The following USP15 variants were observed in gnomAD, a reference collection of about 807,000 sequenced individuals.
USP15 encodes ubiquitin specific peptidase 15.
A neutral mutation model predicts 127.1 loss-of-function variants in USP15; 18 were observed. That is an observed-to-expected ratio of 0.14 (90% CI 0.10 to 0.21). The LOEUF (loss-of-function observed/expected upper bound fraction) is 0.21, where lower values mean the gene tolerates loss of function less well. Ranked by LOEUF, USP15 falls within the 10% of genes least tolerant of loss-of-function variation. The pLI, the probability that USP15 is intolerant of heterozygous loss-of-function variation, is 1.00. For synonymous variants in USP15, 364 were observed against 393.7 expected (o/e 0.92, Z 0.89); for missense variants, 805 against 1,159.9 (o/e 0.69, Z 4.44).
In USP15 at chr12:62,390,956, G is replaced by C; in HGVS notation, c.1937G>C (p.Gly646Ala). The C allele has an allele frequency of 6.2e-7, 1 of 1,612,384 alleles. No individual in the cohort carries two copies. Among genetic ancestry groups the C allele is most frequent in the Admixed American group, 1.7e-5 (1 of 59,884 alleles). ...AATATTAATGGGAATGGCCCAAATG[G>C]CATACATGAAGAAGGCTCACCAAGT... ...DQNINGNGPN[G>A]IHEEGSPSEM... Residue 646 changes from glycine (G) to alanine (A), a missense_variant, in exon 15 of 22, where the codon GGC (glycine) becomes GCC (alanine). By Grantham distance (60) the Gly-to-Ala change is moderately conservative. Coordinates refer to ENST00000280377, the MANE Select transcript of USP15 (RefSeq NM_001252078.2).
intron 8 of USP15, 116 bp downstream of exon 8, chr12:62,355,591 A>T (rs746454304): frequency 5.2e-5 from 62 of 1,182,240 alleles, no homozygotes; most frequent in Non-Finnish European, 7.0e-5. Flanking sequence ...TTCATTTTTC[A>T]TGGAAGATTT....
intron 6 of USP15, among the ~76,000 whole-genome samples, chr12:62,331,940 G>A (rs1029567562): frequency 3.9e-5 from 6 of 151,980 alleles, no homozygotes; most frequent in Admixed American, 2.6e-4. Context: ...CAAGGTGAAC[G>A]GATCACTTGA....
chr12:62,294,235 G>A lies in USP15; in HGVS notation c.146G>A (p.Ser49Asn), dbSNP rs1384679560. 6.2e-7 allele frequency: 1 copy of A among 1,613,550 alleles called. No individual in the cohort carries two copies. Among genetic ancestry groups the A allele is most frequent in the African/African-American group, 1.3e-5 (1 of 74,906 alleles). Reference sequence around the variant, plus strand: ...TGGAAAAAATATGTTGGCTTTGACAGTTGGGACAAATACCAGATGGGAGAT... The same window carrying A: ...TGGAAAAAATATGTTGGCTTTGACAATTGGGACAAATACCAGATGGGAGAT... The part of the protein sequence containing the change: ...KQWKKYVGFD[S>N]WDKYQMGDQN... The change falls in exon 2 of 22, where the codon AGT becomes AAT. Residue 49 changes from serine to asparagine, a missense_variant. Around this residue, in one of 11 missense-constraint regions of USP15, gnomAD observed 69 missense variants for 126.4 expected, o/e 0.55. Coordinates refer to ENST00000280377, the MANE Select transcript of USP15 (RefSeq NM_001252078.2).
intron 3 of USP15, among the ~76,000 whole-genome samples, chr12:62,308,127 G>A (rs975610611): frequency 2.6e-5 from 4 of 151,902 alleles, no homozygotes; most frequent in Admixed American, 6.6e-5. Flanking sequence ...TAGGGGTCTC[G>A]GAATATATGT....
intron 6 of USP15, chr12:62,335,066 C>T (rs1038827367): frequency 4.3e-5 from 50 of 1,158,054 alleles, no homozygotes; most frequent in Non-Finnish European, 5.7e-5. Context: ...ATATGTTACA[C>T]CTAGCCCAAA....
intron 20 of USP15, among the ~76,000 whole-genome samples, chr12:62,400,075 C>T (rs1360314537): frequency 6.6e-6 from 1 of 151,976 alleles, no homozygotes; most frequent in Non-Finnish European, 1.5e-5. Flanking sequence ...GAAGCCGTAC[C>T]CTACAAAGTG....
At chr12:62,397,372 A>G (rs1478130492) in intron 20 of USP15, among the ~76,000 whole-genome samples, 1 of 151,892 alleles carries the variant, frequency 6.6e-6, no homozygotes, top group Non-Finnish European at 1.5e-5. Flanking sequence ...TTGCAGCCAT[A>G]ATTGTTTTTA....
chr12:62,351,858 A>T (rs1339645555), intron 7 of USP15, among the ~76,000 whole-genome samples: 9 of 151,068 alleles, frequency 6.0e-5, no homozygotes, highest in African/African-American at 2.2e-4. Flanking sequence ...AGTAAGGAAC[A>T]GAACTTAAGC....
At chr12:62,295,253 A>C (rs528312483) in intron 2 of USP15, among the ~76,000 whole-genome samples, 1 of 152,334 alleles carries the variant, frequency 6.6e-6, no homozygotes, top group South Asian at 2.1e-4. Flanking sequence ...ATCGAGGCTA[A>C]TATAGGATTG....
chr12:62,412,912 C>A lies in USP15; in HGVS notation c.*8537C>A, dbSNP rs1382315189. On this transcript the variant is annotated 3_prime_UTR_variant, in exon 22 of 22. Transcript: ENST00000280377. ...TGAATGGCATCCAGAATAGCAAATCCTTTTCAGAAGGTTTTTATTTTGCCC... is the reference window on the plus strand; with the variant it reads ...TGAATGGCATCCAGAATAGCAAATCATTTTCAGAAGGTTTTTATTTTGCCC... 1 of 152,178 alleles carries A rather than the reference C, an allele frequency of 6.6e-6. No homozygotes were observed. Among genetic ancestry groups the A allele is most frequent in the African/African-American group, 2.4e-5 (1 of 41,446 alleles). 9.4% of individuals were successfully genotyped at this position (152,178 alleles called of 1,614,324 possible).
chr12:62,372,685 T>C (rs1381732737), intron 8 of USP15, among the ~76,000 whole-genome samples: 1 of 152,096 alleles, frequency 6.6e-6, no homozygotes, highest in African/African-American at 2.4e-5. Context: ...TACAAAATTA[T>C]AAAGAACCAT....
intron 1 of USP15, among the ~76,000 whole-genome samples, chr12:62,275,920 A>G (rs1349719212): frequency 6.6e-6 from 1 of 152,098 alleles, no homozygotes; most frequent in Non-Finnish European, 1.5e-5. Flanking sequence ...ATTATTGAGG[A>G]TATAGAAGGG....
chr12:62,346,046 G>A (rs2065806727), intron 6 of USP15, among the ~76,000 whole-genome samples: 1 of 152,106 alleles, frequency 6.6e-6, no homozygotes, highest in South Asian at 2.1e-4. Context: ...ACCACACGTA[G>A]TCGTTTCCTA....
chr12:62,343,162 A>G (rs552133983), intron 6 of USP15, among the ~76,000 whole-genome samples: 42 of 152,316 alleles, frequency 2.8e-4, no homozygotes, highest in African/African-American at 9.9e-4. Flanking sequence ...CCACTTTGCC[A>G]CACTGTGGTG....
intron 8 of USP15, among the ~76,000 whole-genome samples, chr12:62,366,053 T>C (rs368332492): frequency 6.6e-6 from 1 of 152,234 alleles, no homozygotes; most frequent in East Asian, 1.9e-4. Context: ...TCTGGTTCCA[T>C]ATGAAGTTTA....
Position 62,260,405 on chromosome 12 carries a change from G to C in USP15, c.-10G>C. Reference sequence around the variant, plus strand: ...GTCGCTGCCACCTCCCCTACCGCTAGTGGAAGAAGATGGCGGAAGGCGGAG... The same window carrying C: ...GTCGCTGCCACCTCCCCTACCGCTACTGGAAGAAGATGGCGGAAGGCGGAG... On this transcript the variant is annotated 5_prime_UTR_variant, in exon 1 of 22. Coordinates refer to ENST00000280377, the MANE Select transcript of USP15 (RefSeq NM_001252078.2). The C allele has an allele frequency of 2.6e-6, 4 of 1,550,342 alleles. No homozygotes were observed. Among genetic ancestry groups the C allele is most frequent in the South Asian group, 1.2e-5 (1 of 83,996 alleles).
chr12:62,321,668 T>C (rs1181185124), intron 5 of USP15, 59 bp downstream of exon 5: 6 of 1,372,720 alleles, frequency 4.4e-6, no homozygotes, highest in Non-Finnish European at 4.8e-6. Flanking sequence ...TCACAAACTT[T>C]AATAATTATC....
rs2067941890 is a variant in USP15, at chr12:62,408,353, T to C, written c.*3978T>C. 1 of 152,170 alleles carries C rather than the reference T, an allele frequency of 6.6e-6. No individual in the cohort carries two copies. Among genetic ancestry groups the C allele is most frequent in the African/African-American group, 2.4e-5 (1 of 41,452 alleles). 9.4% of individuals were successfully genotyped at this position (152,170 alleles called of 1,614,324 possible). A position where few individuals can be genotyped will look rare whatever the true frequency, so the allele number is the denominator to read the frequency against. On this transcript the variant is annotated 3_prime_UTR_variant, in exon 22 of 22. Coordinates refer to ENST00000280377, the MANE Select transcript of USP15 (RefSeq NM_001252078.2). ...TCCCTATGTAGTATGTTTCTGATCT[T>C]CTGTGCTTGTGCAGTGTAGATGAGC...
At chr12:62,296,257 T>C (rs1183964646) in intron 2 of USP15, among the ~76,000 whole-genome samples, 1 of 152,160 alleles carries the variant, frequency 6.6e-6, no homozygotes, top group Non-Finnish European at 1.5e-5. Context: ...AGGGGTGATA[T>C]CTTGACTTCA....
Sources: gnomAD v4.1 joint callset for allele counts (sites outside exome capture counted in the v4.1 genomes callset) on GRCh38, gnomAD v4.1.1 for gene constraint, gnomAD v4.1.1 regional missense constraint, MANE v1.5 for transcripts, NCBI Gene and HGNC (gene_info 2026-07-23, HGNC 2026-07-21) for gene names.